The following ZNF521 variants were observed in gnomAD, a reference collection of about 807,000 sequenced individuals.
ZNF521 encodes zinc finger protein 521.
ZNF521 carries 14 observed loss-of-function variants against 105.5 expected under a neutral mutation model. The observed-to-expected ratio is 0.13, with a 90% confidence interval of 0.09 to 0.21. The LOEUF (loss-of-function observed/expected upper bound fraction) is 0.21, where lower values mean the gene tolerates loss of function less well. Among genes scored for constraint, ZNF521 ranks in the 10% least tolerant of loss-of-function variants. The pLI is 1.00. For missense variants in ZNF521, 1,233 were observed against 1,629.7 expected (o/e 0.76, Z 4.19); for synonymous variants, 635 against 606.0 (o/e 1.05, Z -0.70).
At chr18:25,122,851 G>A (rs1218882925) in intron 5 of ZNF521, among the ~76,000 whole-genome samples, 4 of 151,942 alleles carry the variant, frequency 2.6e-5, no homozygotes, top group Non-Finnish European at 5.9e-5. Flanking sequence ...AAAGGAAGGA[G>A]AGAAAAAAAC....
chr18:25,108,922 G>A (rs752982103), intron 5 of ZNF521, among the ~76,000 whole-genome samples: 16 of 152,080 alleles, frequency 1.1e-4, no homozygotes, highest in Non-Finnish European at 1.5e-4. Flanking sequence ...ACTGCACCTG[G>A]CTAGATTTTA....
chr18:25,149,993 A>G (rs528809402), intron 5 of ZNF521, among the ~76,000 whole-genome samples: 3 of 152,324 alleles, frequency 2.0e-5, no homozygotes, highest in South Asian at 2.1e-4. Context: ...CTTTCTGCCT[A>G]TGGATCATGA....
intron 3 of ZNF521, among the ~76,000 whole-genome samples, chr18:25,240,947 TAAAAAAAAAAAA>T: frequency 8.5e-6 from 1 of 117,938 alleles, no homozygotes; most frequent in Non-Finnish European, 1.8e-5. Context: ...AACCAGATAT[TAAAAAAAAAAAA>T]AAAAAAAAAA....
At chr18:25,293,387 A>ACACACAC (rs1568060802) in intron 3 of ZNF521, among the ~76,000 whole-genome samples, 27 of 120,328 alleles carry the variant, frequency 2.2e-4, no homozygotes, top group African/African-American at 9.9e-4. Context: ...CACACACACA[A>ACACACAC]ATTCCTTAAT....
chr18:25,266,022 T>C (rs1909227250), intron 3 of ZNF521, among the ~76,000 whole-genome samples: 1 of 152,030 alleles, frequency 6.6e-6, no homozygotes, highest in South Asian at 2.1e-4. Flanking sequence ...AGTAGGAGGA[T>C]GGTTACCAGG....
chr18:25,186,916 A>G (rs1386040955), intron 5 of ZNF521, among the ~76,000 whole-genome samples: 9 of 148,864 alleles, frequency 6.0e-5, no homozygotes, highest in Admixed American at 4.7e-4. Flanking sequence ...AAAAAAAAAA[A>G]AAAAAGAAAA....
intron 7 of ZNF521, among the ~76,000 whole-genome samples, chr18:25,088,232 T>C (rs1376115663): frequency 6.6e-6 from 1 of 152,006 alleles, no homozygotes; most frequent in East Asian, 1.9e-4. Flanking sequence ...TTTTTTTTTT[T>C]TGAGACAGAG....
Position 25,225,507 on chromosome 18 carries a change from G to C in ZNF521, c.2411C>G (p.Thr804Ser). The C allele has an allele frequency of 6.2e-7, 1 of 1,614,218 alleles. No homozygotes were observed. The highest frequency in any genetic ancestry group is 1.3e-5 in the African/African-American group (1 of 75,058). The change falls in exon 4 of 8, where the codon ACT (threonine) becomes AGT (serine). Residue 804 changes from threonine (T) to serine (S), a missense_variant. Around this residue, in one of 6 missense-constraint regions of ZNF521, gnomAD observed 614 missense variants for 751.5 expected, o/e 0.82. Transcript: ENST00000361524. The surrounding 1 kb of genome is among the most constrained non-coding windows in gnomAD (Gnocchi z 5.6). Reference sequence around the variant, plus strand: ...CTTGCAGTTGTACTTCTTACTGTGAGTGGTGATGTGGCATTGCAGCTCCAC... The same window carrying C: ...CTTGCAGTTGTACTTCTTACTGTGACTGGTGATGTGGCATTGCAGCTCCAC... ...TEVELQCHIT[T>S]HSKKYNCKFC...
At chr18:25,190,692 T>C (rs576780879) in intron 5 of ZNF521, among the ~76,000 whole-genome samples, 3 of 152,178 alleles carry the variant, frequency 2.0e-5, no homozygotes, top group Non-Finnish European at 2.9e-5. Context: ...ATTTGTGACC[T>C]TGGGCACCAA....
At chr18:25,325,100 G>A (rs542884327) in intron 2 of ZNF521, among the ~76,000 whole-genome samples, 2 of 152,276 alleles carry the variant, frequency 1.3e-5, no homozygotes, top group Non-Finnish European at 1.5e-5. Flanking sequence ...AAGCGGGTTC[G>A]ATTATAGCCT....
intron 5 of ZNF521, among the ~76,000 whole-genome samples, chr18:25,171,212 C>T (rs1026962260): frequency 6.6e-6 from 1 of 152,122 alleles, no homozygotes; most frequent in Non-Finnish European, 1.5e-5. Context: ...GCTCACCTCA[C>T]ACACAATCGA....
chr18:25,189,901 G>A (rs930503758), intron 5 of ZNF521, among the ~76,000 whole-genome samples: 1 of 152,104 alleles, frequency 6.6e-6, no homozygotes. Flanking sequence ...TGTGTAAATC[G>A]ATGAACATCT....
At chr18:25,197,338 A>G (rs2035919562) in intron 4 of ZNF521, among the ~76,000 whole-genome samples, 1 of 151,828 alleles carries the variant, frequency 6.6e-6, no homozygotes, top group Non-Finnish European at 1.5e-5. Flanking sequence ...CTTGAACTCT[A>G]CTTCACCATA....
intron 3 of ZNF521, among the ~76,000 whole-genome samples, chr18:25,237,405 T>C (rs1414433835): frequency 6.6e-6 from 1 of 152,072 alleles, no homozygotes; most frequent in Admixed American, 6.6e-5. Context: ...GATTAATATC[T>C]ATAATCATAT....
intron 3 of ZNF521, among the ~76,000 whole-genome samples, chr18:25,245,556 T>C (rs888967296): frequency 6.6e-6 from 1 of 152,238 alleles, no homozygotes; most frequent in African/African-American, 2.4e-5. Flanking sequence ...TTTTGTAACT[T>C]GTATTCAAGT....
At chr18:25,066,673 T>C (rs930435692) in intron 7 of ZNF521, among the ~76,000 whole-genome samples, 16 of 152,002 alleles carry the variant, frequency 1.1e-4, no homozygotes, top group African/African-American at 3.6e-4. Flanking sequence ...AAAGAGAGGG[T>C]AGGCTCTGAG....
intron 3 of ZNF521, among the ~76,000 whole-genome samples, chr18:25,263,516 C>A (rs1044686259): frequency 3.9e-5 from 6 of 151,986 alleles, no homozygotes; most frequent in African/African-American, 1.5e-4. Flanking sequence ...TGCCACCACG[C>A]CCAGCTAATT....
chr18:25,103,659 T>A (rs2034011929), intron 5 of ZNF521, among the ~76,000 whole-genome samples: 2 of 152,144 alleles, frequency 1.3e-5, no homozygotes, highest in South Asian at 4.2e-4. Flanking sequence ...GGCATATCAA[T>A]GAATCATACT....
intron 3 of ZNF521, among the ~76,000 whole-genome samples, chr18:25,270,012 C>T (rs573653086): frequency 4.4e-4 from 66 of 151,420 alleles, no homozygotes; most frequent in African/African-American, 1.4e-3. Context: ...TTGAAAAGAT[C>T]AACAAAAAAA....
Sources: gnomAD v4.1 joint callset for allele counts (sites outside exome capture counted in the v4.1 genomes callset) on GRCh38, gnomAD v4.1.1 for gene constraint, gnomAD v4.1.1 regional missense constraint, Gnocchi (gnomAD v3.1) non-coding constraint, MANE v1.5 for transcripts, NCBI Gene and HGNC (gene_info 2026-07-23, HGNC 2026-07-21) for gene names.